Variants in MPHOSPH9 observed in about 807,000 individuals in gnomAD.
MPHOSPH9 encodes M-phase phosphoprotein 9.
In MPHOSPH9, 88 loss-of-function variants were observed where a neutral mutation model predicts 145.5. The ratio of observed to expected loss-of-function variants is 0.60; its 90% confidence interval spans 0.51 to 0.72. The LOEUF (loss-of-function observed/expected upper bound fraction) is 0.72, where lower values mean the gene tolerates loss of function less well. Ranked by LOEUF, MPHOSPH9 falls within the 30% of genes least tolerant of loss-of-function variation. The probability of loss-of-function intolerance (pLI) is 0.00; values close to 1 mark genes in which losing one functional copy is unlikely to be tolerated. For synonymous variants in MPHOSPH9, 435 were observed against 486.2 expected (o/e 0.89, Z 1.39); for missense variants, 1,238 against 1,386.6 (o/e 0.89, Z 1.70).
At position 123,190,238 on chromosome 12, in the gene MPHOSPH9, C is replaced by T. The variant is rs189660736; in HGVS notation, c.2241+4148G>A. Among the ~76,000 whole-genome samples the T allele has an allele frequency of 3.3e-5, 5 of 151,666 alleles. No homozygotes were observed. In the East Asian group the frequency reaches 7.9e-4, roughly 24 times the overall value. On this transcript the variant is annotated intron_variant, in intron 13 of 23. Coordinates refer to ENST00000606320, the MANE Select transcript of MPHOSPH9 (RefSeq NM_022782.4). ...CGCTACCTCAGCTCACTGAAAGCTC[C>T]GCCTCCTGGGTTTACACCATTCTCC... is the stretch of plus-strand genomic sequence containing the variant.
upstream of MPHOSPH9, among the ~76,000 whole-genome samples, chr12:123,234,323 GC>G (rs2047795334): frequency 6.6e-6 from 1 of 151,746 alleles, no homozygotes; most frequent in Admixed American, 6.6e-5. Flanking sequence ...TAACAGATCT[GC>G]CAGGAGGCGT....
chr12:123,216,216 T>C (rs546657183), intron 6 of MPHOSPH9, among the ~76,000 whole-genome samples: 167 of 152,338 alleles, frequency 1.1e-3, no homozygotes, highest in Non-Finnish European at 1.9e-3. Context: ...ACAGACGCTT[T>C]TGTGGTTCAT....
rs1298955113 is a variant in MPHOSPH9, at chr12:123,161,260, C to T, written c.3257G>A (p.Ser1086Asn). The T allele has an allele frequency of 1.2e-6, 2 of 1,614,124 alleles. No homozygotes were observed. The highest frequency in any genetic ancestry group is 2.2e-5 in the East Asian group (1 of 44,878). Residue 1086 changes from serine (S) to asparagine (N), a missense_variant, in exon 22 of 24, where the codon AGC becomes AAC. Physicochemically the swap from Ser to Asn is conservative, Grantham distance 46. This residue lies in a region of MPHOSPH9 where 393 missense variants were observed against 462.5 expected (regional missense o/e 0.85). Coordinates refer to ENST00000606320, the MANE Select transcript of MPHOSPH9 (RefSeq NM_022782.4). ...RTAWEKNKSV[S>N]YEQCKPVSVT... Reference sequence around the variant, plus strand: ...TGAAACCGGCTTACACTGTTCGTAGCTAACTGATTTATTCTTCTCCCAGGC... The same window carrying T: ...TGAAACCGGCTTACACTGTTCGTAGTTAACTGATTTATTCTTCTCCCAGGC...
intron 3 of MPHOSPH9, among the ~76,000 whole-genome samples, chr12:123,225,799 G>A (rs1224906421): frequency 6.6e-6 from 1 of 152,160 alleles, no homozygotes; most frequent in Non-Finnish European, 1.5e-5. Context: ...ACTTTGGGAA[G>A]CCAAATCAGG....
chr12:123,199,008 TTTTC>T (rs1031981320), intron 11 of MPHOSPH9, among the ~76,000 whole-genome samples: 3 of 151,750 alleles, frequency 2.0e-5, no homozygotes, highest in African/African-American at 7.3e-5. Context: ...AGATTTACTT[TTTTC>T]TTTCTTTTTT....
chr12:123,227,401 T>G (rs2138662363), intron 3 of MPHOSPH9, 62 bp downstream of exon 3: 3 of 1,219,314 alleles, frequency 2.5e-6, no homozygotes, highest in Middle Eastern at 2.0e-4. Flanking sequence ...ATTTAGAGTT[T>G]AGTAGAGGTA....
chr12:123,180,844 A>T (rs946975394), intron 14 of MPHOSPH9, among the ~76,000 whole-genome samples: 1 of 152,188 alleles, frequency 6.6e-6, no homozygotes, highest in Non-Finnish European at 1.5e-5. Flanking sequence ...CTGCACTCCA[A>T]CCTGGGTGTC....
At position 123,212,642 on chromosome 12, in the gene MPHOSPH9, C is replaced by A. The variant is rs539159109; in HGVS notation, c.1087+2102G>T. ...AGAAAAATCACTTGAATCTGGCAAG[C>A]GGAGGTTACAGTAAGCCGAGATCAC... On this transcript the variant is annotated intron_variant, in intron 7 of 23. Transcript: ENST00000606320. Among the ~76,000 whole-genome samples, 20 of 131,420 alleles carry A rather than the reference C, an allele frequency of 1.5e-4. No individual in the cohort carries two copies. In the South Asian group the frequency reaches 3.5e-3, roughly 23 times the overall value. The allele number at this position is 131,420 out of a possible 152,430, so 86.2% of individuals were successfully genotyped here. A position where few individuals can be genotyped will look rare whatever the true frequency, so the allele number is the denominator to read the frequency against.
chr12:123,222,544 C>T (rs2047250603), intron 4 of MPHOSPH9, among the ~76,000 whole-genome samples: 1 of 152,038 alleles, frequency 6.6e-6, no homozygotes, highest in South Asian at 2.1e-4. Flanking sequence ...TTCCCAGCTA[C>T]TCAGGAGGCT....
downstream of MPHOSPH9, among the ~76,000 whole-genome samples, chr12:123,153,758 C>T (rs953955211): frequency 1.5e-5 from 1 of 67,150 alleles, no homozygotes; most frequent in Admixed American, 1.9e-4. Flanking sequence ...ACTAGAGACT[C>T]CATCTCAAAA....
rs150096107 is a variant in MPHOSPH9 at position 123,221,641 on chromosome 12, G to T, written c.603C>A (p.Thr201=). ...ACAGATTTAATTCTGAGATACAAAA[G>T]GTGCCATATCCACTGCTTACTGAGC... ...DSCSVSSGYG[T]FCISELNLYK... Residue 201 remains threonine, a synonymous_variant, in exon 5 of 24, where the codon ACC becomes ACA. Transcript: ENST00000606320. 8.5e-4 allele frequency: 1,364 copies of T among 1,614,156 alleles called. 20 individuals carry two copies. The East Asian group carries it at 0.02, about 24-fold the overall frequency.
intron 16 of MPHOSPH9, among the ~76,000 whole-genome samples, chr12:123,174,948 A>T (rs1319395846): frequency 2.0e-5 from 3 of 151,954 alleles, no homozygotes; most frequent in African/African-American, 7.3e-5. Flanking sequence ...ATCTCTCCCG[A>T]AGAGTCTCTA....
intron 3 of MPHOSPH9, chr12:123,226,258 T>C: frequency 2.3e-6 from 2 of 858,056 alleles, no homozygotes; most frequent in Non-Finnish European, 2.9e-6. Flanking sequence ...ATAATTTCAA[T>C]AATTATGGAT....
At chr12:123,234,919 CATGTTTTCAGTA>C, upstream of MPHOSPH9, among the ~76,000 whole-genome samples, 1 of 152,266 alleles carries the variant, frequency 6.6e-6, no homozygotes, top group East Asian at 1.9e-4. Flanking sequence ...CACCAAATAA[CATGTTTTCAGTA>C]ATGTCATGGC....
intron 12 of MPHOSPH9, among the ~76,000 whole-genome samples, chr12:123,196,368 G>C (rs1013662837): frequency 1.3e-5 from 2 of 151,928 alleles, no homozygotes; most frequent in African/African-American, 4.8e-5. Flanking sequence ...AAACAAAATA[G>C]ACAGTTTCCA....
At chr12:123,171,687 T>C (rs546566129) in intron 16 of MPHOSPH9, among the ~76,000 whole-genome samples, 1 of 151,968 alleles carries the variant, frequency 6.6e-6, no homozygotes, top group South Asian at 2.1e-4. Flanking sequence ...AAGCAGAGGT[T>C]ACAGTGAGCC....
At chr12:123,224,110 T>TTATATATA (rs147637276) in intron 3 of MPHOSPH9, among the ~76,000 whole-genome samples, 9 of 120,412 alleles carry the variant, frequency 7.5e-5, no homozygotes, top group South Asian at 2.5e-4. Flanking sequence ...AATTGCTAAT[T>TTATATATA]TATATATATA....
chr12:123,173,406 C>T (rs958280944), intron 16 of MPHOSPH9, among the ~76,000 whole-genome samples: 1 of 152,210 alleles, frequency 6.6e-6, no homozygotes, highest in African/African-American at 2.4e-5. Flanking sequence ...CTTCTCCTGT[C>T]TTCCTTTTAC....
chr12:123,188,801 T>C (rs1218114260), intron 13 of MPHOSPH9, among the ~76,000 whole-genome samples: 2 of 152,200 alleles, frequency 1.3e-5, no homozygotes, highest in African/African-American at 4.8e-5. Context: ...TGAGCCGAGA[T>C]AGCGCCACTG....
Sources: allele counts gnomAD v4.1 joint callset (sites outside exome capture counted in the v4.1 genomes callset), GRCh38; gene constraint gnomAD v4.1.1; regional missense constraint gnomAD v4.1.1; transcripts MANE v1.5; gene names NCBI Gene and HGNC (gene_info 2026-07-23, HGNC 2026-07-21).